The following RIN3 variants were observed in gnomAD, a reference collection of about 807,000 sequenced individuals.
The protein encoded by RIN3 is RAB5 interacting protein 3.
RIN3 carries 54 observed loss-of-function variants against 76.3 expected under a neutral mutation model. That is an observed-to-expected ratio of 0.71 (90% confidence interval 0.57 to 0.89). The LOEUF is 0.89. Among genes scored for constraint, RIN3 ranks in the 40% least tolerant of loss-of-function variants. The pLI, the probability that RIN3 is intolerant of heterozygous loss-of-function variation, is 0.00. For missense variants in RIN3, 1,256 were observed against 1,322.1 expected, an observed-to-expected ratio of 0.95 and a Z score of 0.78; for synonymous variants, 576 against 564.0, an observed-to-expected ratio of 1.02 and a Z score of -0.30.
chr14:92,616,255 T>A (rs1456725316), intron 4 of RIN3, among the ~76,000 whole-genome samples: 1 of 151,780 alleles, frequency 6.6e-6, no homozygotes, highest in Non-Finnish European at 1.5e-5. Flanking sequence ...AATGAAGGGG[T>A]TTATTGAAAA....
At chr14:92,529,089 A>AC in intron 1 of RIN3, among the ~76,000 whole-genome samples, 1 of 151,004 alleles carries the variant, frequency 6.6e-6, no homozygotes, top group Non-Finnish European at 1.5e-5. Context: ...GCTGGTGGAG[A>AC]CCCCCCTGCT....
At chr14:92,580,888 C>T (rs920295987) in intron 3 of RIN3, among the ~76,000 whole-genome samples, 1 of 152,200 alleles carries the variant, frequency 6.6e-6, no homozygotes, top group Non-Finnish European at 1.5e-5. Flanking sequence ...TAGCCATGTG[C>T]CCTGGAAAAA....
intron 3 of RIN3, among the ~76,000 whole-genome samples, chr14:92,578,660 G>C (rs1171563653): frequency 6.6e-6 from 1 of 152,188 alleles, no homozygotes; most frequent in African/African-American, 2.4e-5. Flanking sequence ...GGGGAATGCT[G>C]ATTGGTTGGG....
At chr14:92,612,632 G>A (rs1006377099) in intron 3 of RIN3, among the ~76,000 whole-genome samples, 1 of 152,250 alleles carries the variant, frequency 6.6e-6, no homozygotes, top group African/African-American at 2.4e-5. Context: ...CCAGCATGCA[G>A]GGTCTCCCCG....
At chr14:92,586,752 G>C (rs1036968672) in intron 3 of RIN3, among the ~76,000 whole-genome samples, 1 of 152,102 alleles carries the variant, frequency 6.6e-6, no homozygotes, top group Non-Finnish European at 1.5e-5. Flanking sequence ...TGAACCAGTG[G>C]GAGAGACAGG....
rs34350495 is a variant in RIN3 at position 92,609,843 on chromosome 14, CTGTGTGTGTGTGTGTG to C, written c.368-5536_368-5521del. 9.4e-5 allele frequency among the ~76,000 whole-genome samples: 13 copies of C among 138,506 alleles called. No homozygotes were observed. In the South Asian group the frequency reaches 1.7e-3, roughly 18 times the overall value. The allele number at this position is 138,506 out of a possible 152,430, so 90.9% of individuals were successfully genotyped here. ...CAGAATGCAGGAAGTGAAATTCAGTCTGTGTGTGTGTGTGTGTGTGTGTGTGTGTGTGTGTGTGTGT... is the reference window on the plus strand; with the variant it reads ...CAGAATGCAGGAAGTGAAATTCAGTCTGTGTGTGTGTGTGTGTGTGTGTGT... On this transcript the variant is annotated intron_variant, in intron 3 of 9. Coordinates refer to ENST00000216487, the MANE Select transcript of RIN3 (RefSeq NM_024832.5).
rs1291983556 is a variant in RIN3 at position 92,666,380 on chromosome 14, T to C, written c.2335+6911T>C. On this transcript the variant is annotated intron_variant, in intron 7 of 9. Coordinates refer to ENST00000216487, the MANE Select transcript of RIN3 (RefSeq NM_024832.5). ...AGAAAGATAGGGCCAGGATTAAACCTAGTATCAGCTCACTCTAAAGCCTGT... is the reference window on the plus strand; with the variant it reads ...AGAAAGATAGGGCCAGGATTAAACCCAGTATCAGCTCACTCTAAAGCCTGT... 2.0e-5 allele frequency among the ~76,000 whole-genome samples: 3 copies of C among 152,226 alleles called. No homozygotes were observed. In the East Asian group the frequency reaches 5.8e-4, roughly 29 times the overall value.
At chr14:92,543,160 G>T (rs1897164805) in intron 1 of RIN3, among the ~76,000 whole-genome samples, 1 of 152,052 alleles carries the variant, frequency 6.6e-6, no homozygotes, top group African/African-American at 2.4e-5. Context: ...TTCCCTCTGG[G>T]TTGCTGTGTG....
chr14:92,666,583 G>A (rs981853307), intron 7 of RIN3, among the ~76,000 whole-genome samples: 3 of 14,960 alleles, frequency 2.0e-4, no homozygotes, highest in African/African-American at 3.3e-3. Context: ...GAGCAGACCG[G>A]GATTCTTCAT....
intron 1 of RIN3, among the ~76,000 whole-genome samples, chr14:92,529,130 T>C (rs1008183951): frequency 1.3e-5 from 2 of 152,232 alleles, no homozygotes; most frequent in Non-Finnish European, 2.9e-5. Context: ...AGGTTGGCTA[T>C]GATTGATACC....
Position 92,571,865 on chromosome 14 carries a change from A to G in RIN3, c.250-5495A>G, listed in dbSNP as rs924212053. Among the ~76,000 whole-genome samples, 16 of 152,358 alleles carry G rather than the reference A, an allele frequency of 1.1e-4. No homozygotes were observed. In the East Asian group the frequency reaches 2.3e-3, roughly 22 times the overall value. On this transcript the variant is annotated intron_variant, in intron 2 of 9. Transcript: ENST00000216487. ...GCGAGGTCTGGGGCGGGGCAGCCACAGAGTCCCCATCACCTCTCCTCCTAT... is the reference window on the plus strand; with the variant it reads ...GCGAGGTCTGGGGCGGGGCAGCCACGGAGTCCCCATCACCTCTCCTCCTAT...
chr14:92,584,030 G>C (rs1353244249), intron 3 of RIN3, among the ~76,000 whole-genome samples: 1 of 152,216 alleles, frequency 6.6e-6, no homozygotes, highest in East Asian at 1.9e-4. Flanking sequence ...GTTCCTACCA[G>C]TTCCCTGGCC....
chr14:92,544,849 T>C (rs547981997), intron 1 of RIN3, among the ~76,000 whole-genome samples: 2 of 152,294 alleles, frequency 1.3e-5, no homozygotes, highest in East Asian at 3.9e-4. Flanking sequence ...GTTTAATAAA[T>C]AAATCATTGC....
chr14:92,658,329 C>T (rs115015206), intron 6 of RIN3, among the ~76,000 whole-genome samples: 319 of 152,326 alleles, frequency 2.1e-3, no homozygotes, highest in African/African-American at 7.3e-3. Flanking sequence ...CAAAGGGAAC[C>T]GCAGGAGCAA....
At chr14:92,575,123 A>C (rs1188955740) in intron 2 of RIN3, among the ~76,000 whole-genome samples, 1 of 152,196 alleles carries the variant, frequency 6.6e-6, no homozygotes, top group African/African-American at 2.4e-5. Context: ...TAATAATATT[A>C]ATATGGTTAT....
chr14:92,610,718 T>G, intron 3 of RIN3, among the ~76,000 whole-genome samples: 1 of 152,014 alleles, frequency 6.6e-6, no homozygotes, highest in East Asian at 1.9e-4. Context: ...ACAAACAGCA[T>G]GAGCAGAGGC....
chr14:92,644,941 G>A (rs1296529209), intron 5 of RIN3: 1 of 152,240 alleles, frequency 6.6e-6, no homozygotes, highest in Admixed American at 6.5e-5. Context: ...AAGGGACTTT[G>A]GTGGCAAAGA....
intron 7 of RIN3, among the ~76,000 whole-genome samples, chr14:92,664,741 C>T (rs1264447489): frequency 6.6e-6 from 1 of 152,144 alleles, no homozygotes; most frequent in Non-Finnish European, 1.5e-5. Flanking sequence ...CTTACATACA[C>T]CTGTGTCCTT....
At chr14:92,574,322 G>T (rs1032356786) in intron 2 of RIN3, among the ~76,000 whole-genome samples, 2 of 152,230 alleles carry the variant, frequency 1.3e-5, no homozygotes, top group Admixed American at 1.3e-4. Flanking sequence ...TGCATGCAAA[G>T]AAGCTGGCAG....
Sources: gnomAD v4.1 joint callset for allele counts (sites outside exome capture counted in the v4.1 genomes callset) on GRCh38, gnomAD v4.1.1 for gene constraint, MANE v1.5 for transcripts, NCBI Gene and HGNC (gene_info 2026-07-23, HGNC 2026-07-21) for gene names.